Variants in CELF2 observed in about 807,000 individuals in gnomAD.
The protein encoded by CELF2 is CUG triplet repeat RNA-binding protein 2.
In CELF2, 8 loss-of-function variants were observed where a neutral mutation model predicts 62.6. That is an observed-to-expected ratio of 0.13 (90% CI 0.07 to 0.23). CELF2 has a LOEUF of 0.23. Among genes scored for constraint, CELF2 ranks in the 10% least tolerant of loss-of-function variants. CELF2 has a pLI of 1.00. For missense variants in CELF2, 333 were observed against 671.0 expected, an observed-to-expected ratio of 0.50 and a Z score of 5.56; for synonymous variants, 258 against 250.0, an observed-to-expected ratio of 1.03 and a Z score of -0.30.
At chr10:11,067,501 G>A (rs1443318911) in intron 1 of CELF2, among the ~76,000 whole-genome samples, 2 of 152,166 alleles carry the variant, frequency 1.3e-5, no homozygotes, top group Non-Finnish European at 2.9e-5. Flanking sequence ...GTGCCTGTGT[G>A]GCGTATATTC....
At chr10:11,166,451 G>T (rs989985166) in intron 2 of CELF2, among the ~76,000 whole-genome samples, 2 of 152,204 alleles carry the variant, frequency 1.3e-5, no homozygotes, top group African/African-American at 2.4e-5. Flanking sequence ...ATGCTTCTAT[G>T]CCCTGGAGTC....
At chr10:11,034,753 A>G (rs1230574354) in intron 1 of CELF2, among the ~76,000 whole-genome samples, 2 of 152,172 alleles carry the variant, frequency 1.3e-5, no homozygotes, top group East Asian at 3.8e-4. Flanking sequence ...TTAATTGTGT[A>G]AGCAGTGGCA....
intron 1 of CELF2, among the ~76,000 whole-genome samples, chr10:11,058,741 TAC>T (rs964447685): frequency 1.3e-5 from 2 of 152,058 alleles, no homozygotes; most frequent in African/African-American, 4.8e-5. Flanking sequence ...GTGCTGGGAT[TAC>T]AGACATGACC....
Position 11,296,636 on chromosome 10 carries a change from C to T in CELF2, c.976+8084C>T, listed in dbSNP as rs1157314743. Among the ~76,000 whole-genome samples, 1 of 152,032 alleles carries T rather than the reference C, an allele frequency of 6.6e-6. No homozygotes were observed. ...TTTTAGTTCAGATGTGGTTTAATCCCGAGAACCCGTCACCATCAACTAGAT... is the reference window on the plus strand; with the variant it reads ...TTTTAGTTCAGATGTGGTTTAATCCTGAGAACCCGTCACCATCAACTAGAT... On this transcript the variant is annotated intron_variant, in intron 9 of 12. Coordinates refer to ENST00000633077, the MANE Select transcript of CELF2 (RefSeq NM_001326342.2). This position sits in a 1 kb window ranked among gnomAD's most constrained non-coding sequence, Gnocchi z 5.0.
chr10:10,719,677 C>T, the CELF2 span, among the ~76,000 whole-genome samples: 2 of 152,288 alleles, frequency 1.3e-5, no homozygotes, highest in East Asian at 3.9e-4. Context: ...CATTCCTGAC[C>T]CTTCCACGTA....
At chr10:11,195,143 TCA>T (rs2057116684) in intron 2 of CELF2, among the ~76,000 whole-genome samples, 1 of 152,204 alleles carries the variant, frequency 6.6e-6, no homozygotes, top group African/African-American at 2.4e-5. Flanking sequence ...TAAACTCCTA[TCA>T]CACCTCTAGG....
intron 1 of CELF2, among the ~76,000 whole-genome samples, chr10:11,123,636 G>A (rs1406189784): frequency 6.6e-6 from 1 of 152,188 alleles, no homozygotes; most frequent in Non-Finnish European, 1.5e-5. Context: ...TGAACACCAT[G>A]TTGGGACAAT....
chr10:11,018,472 C>T (rs563937337), intron 1 of CELF2, among the ~76,000 whole-genome samples: 2 of 148,598 alleles, frequency 1.3e-5, no homozygotes, highest in East Asian at 2.0e-4. Flanking sequence ...CGGGTCCCCG[C>T]GGGGTGAGTG....
At chr10:10,717,465 C>G in the CELF2 span, among the ~76,000 whole-genome samples, 1 of 151,732 alleles carries the variant, frequency 6.6e-6, no homozygotes, top group Non-Finnish European at 1.5e-5. Context: ...TAAGCCATTA[C>G]TTTTATTCAT....
rs1468332459 is a variant in CELF2 at position 11,191,661 on chromosome 10, C to G, written c.272-25764C>G. The stretch of plus-strand genomic sequence containing the variant: ...TGGCCTCCCCAGGATGTTACACGTC[C>G]TGGCCTCCTCCCTGCAGAAGATGAG... On this transcript the variant is annotated intron_variant, in intron 2 of 12. Coordinates refer to ENST00000633077, the MANE Select transcript of CELF2 (RefSeq NM_001326342.2). The surrounding 1 kb of genome is among the most constrained non-coding windows in gnomAD (Gnocchi z 4.1). Among the ~76,000 whole-genome samples, 2 of 152,168 alleles carry G rather than the reference C, an allele frequency of 1.3e-5. No individual in the cohort carries two copies. Among genetic ancestry groups the G allele is most frequent in the Non-Finnish European group, 2.9e-5 (2 of 68,022 alleles).
intron 2 of CELF2, among the ~76,000 whole-genome samples, chr10:11,213,102 T>C (rs2062344833): frequency 1.4e-5 from 2 of 141,426 alleles, no homozygotes; most frequent in African/African-American, 4.9e-5. Flanking sequence ...ACCTCTAACA[T>C]GGAGCGAGGC....
chr10:10,837,689 CAA>C (rs1485543511), intron 1 of CELF2, among the ~76,000 whole-genome samples: 1 of 152,140 alleles, frequency 6.6e-6, no homozygotes, highest in African/African-American at 2.4e-5. Context: ...TCAATTATTC[CAA>C]ACTTTGGAGT....
chr10:10,569,349 G>A, the CELF2 span, among the ~76,000 whole-genome samples: 1 of 152,084 alleles, frequency 6.6e-6, no homozygotes, highest in Admixed American at 6.6e-5. Context: ...AAGAGAAAGG[G>A]ATTTTCCCTT....
intron 2 of CELF2, among the ~76,000 whole-genome samples, chr10:10,975,074 T>G (rs1018431533): frequency 6.6e-6 from 1 of 152,178 alleles, no homozygotes; most frequent in Admixed American, 6.6e-5. Flanking sequence ...ATAGTCCTGG[T>G]GTCAAATGCT....
the CELF2 span, among the ~76,000 whole-genome samples, chr10:10,743,524 T>G: frequency 6.6e-6 from 1 of 152,062 alleles, no homozygotes; most frequent in African/African-American, 2.4e-5. Flanking sequence ...AAACTCATAT[T>G]TGAGGATTCC....
chr10:11,126,064 T>A (rs911056699), intron 1 of CELF2, among the ~76,000 whole-genome samples: 3 of 152,218 alleles, frequency 2.0e-5, no homozygotes, highest in African/African-American at 4.8e-5. Flanking sequence ...GCAGCTATGC[T>A]GGCTTGAGCT....
rs2095936093 is a variant in CELF2, at chr10:11,329,540, T to G, written c.*487T>G. 1 of 152,662 alleles carries G rather than the reference T, an allele frequency of 6.6e-6. No homozygotes were observed. Among genetic ancestry groups the G allele is most frequent in the African/African-American group, 2.4e-5 (1 of 41,452 alleles). The allele number at this position is 152,662 out of a possible 1,614,324, so 9.5% of individuals were successfully genotyped here. A position where few individuals can be genotyped will look rare whatever the true frequency, so the allele number is the denominator to read the frequency against. ...GAGGGAGGGCCCGGTGCTTAGAGGT[T>G]AACTTGGTGGCCTAGGAGAGGGAGA... is the stretch of plus-strand genomic sequence containing the variant. On this transcript the variant is annotated 3_prime_UTR_variant, in exon 13 of 13. Coordinates refer to ENST00000633077, the MANE Select transcript of CELF2 (RefSeq NM_001326342.2). This position sits in a 1 kb window ranked among gnomAD's most constrained non-coding sequence, Gnocchi z 5.5.
the CELF2 span, among the ~76,000 whole-genome samples, chr10:10,522,249 G>A: frequency 6.6e-6 from 1 of 152,176 alleles, no homozygotes; most frequent in African/African-American, 2.4e-5. Flanking sequence ...ATCGAAAGTA[G>A]CAGCCAATTG....
chr10:11,118,800 C>A (rs898339950), intron 1 of CELF2, among the ~76,000 whole-genome samples: 8 of 152,362 alleles, frequency 5.3e-5, no homozygotes, highest in African/African-American at 1.9e-4. Context: ...GGAGTCACTT[C>A]TCTTGTCCTT....
Sources: allele counts gnomAD v4.1 joint callset (sites outside exome capture counted in the v4.1 genomes callset), GRCh38; gene constraint gnomAD v4.1.1; non-coding constraint Gnocchi (gnomAD v3.1); transcripts MANE v1.5; gene names NCBI Gene and HGNC (gene_info 2026-07-23, HGNC 2026-07-21).